C1orf141: variants seen among roughly 807,000 people sequenced by gnomAD.
The protein encoded by C1orf141 is chromosome 1 open reading frame 141.
A neutral mutation model predicts 23.2 loss-of-function variants in C1orf141; 19 were observed. The ratio of observed to expected loss-of-function variants is 0.82; its 90% CI spans 0.57 to 1.20. C1orf141 has a LOEUF of 1.20. C1orf141 is among the 50% of genes most tolerant of loss of function. The probability of loss-of-function intolerance (pLI) is 0.00; values close to 1 mark genes in which losing one functional copy is unlikely to be tolerated. For synonymous variants in C1orf141, 153 were observed against 154.6 expected, an observed-to-expected ratio of 0.99 and a Z score of 0.08; for missense variants, 469 against 455.1, an observed-to-expected ratio of 1.03 and a Z score of -0.28.
chr1:67,136,646 G>GCTA (rs1196385943), upstream of C1orf141, among the ~76,000 whole-genome samples: 1 of 152,096 alleles, frequency 6.6e-6, no homozygotes, highest in Non-Finnish European at 1.5e-5. Context: ...CAGGTACTAG[G>GCTA]CTACAACTTT....
In C1orf141 at chr1:67,112,897, T is replaced by C. The variant is rs138101691; in HGVS notation, c.346+2455A>G. Reference sequence around the variant, plus strand: ...AGCTACAAGTTGCATGAATAGAGTATTGGTGTGTCTAGGCAGAGGGGAAAA... The same window carrying C: ...AGCTACAAGTTGCATGAATAGAGTACTGGTGTGTCTAGGCAGAGGGGAAAA... On this transcript the variant is annotated intron_variant, in intron 5 of 7. Coordinates refer to ENST00000684719, the MANE Select transcript of C1orf141 (RefSeq NM_001276351.2). Among the ~76,000 whole-genome samples, 396 of 152,282 alleles carry C rather than the reference T, an allele frequency of 2.6e-3. 2 individuals are homozygous for C. Among genetic ancestry groups the C allele is most frequent in the African/African-American group, 9.3e-3 (388 of 41,560 alleles).
At chr1:67,112,166 C>G (rs1646087303) in intron 5 of C1orf141, among the ~76,000 whole-genome samples, 1 of 152,138 alleles carries the variant, frequency 6.6e-6, no homozygotes, top group South Asian at 2.1e-4. Context: ...AGGAAAGTTA[C>G]TTAACATCTG....
intron 5 of C1orf141, chr1:67,103,505 G>T: frequency 2.0e-6 from 1 of 508,404 alleles, no homozygotes; most frequent in Non-Finnish European, 3.1e-6. Context: ...ACAGCTGTCT[G>T]GTTCTTTAAA....
At chr1:67,126,730 G>T (rs142379803) in intron 3 of C1orf141, among the ~76,000 whole-genome samples, 1 of 152,328 alleles carries the variant, frequency 6.6e-6, no homozygotes, top group African/African-American at 2.4e-5. Flanking sequence ...GAGGTGCAGG[G>T]AGGAGAAACC....
intron 4 of C1orf141, among the ~76,000 whole-genome samples, chr1:67,118,904 G>T (rs1291021842): frequency 2.0e-5 from 3 of 152,156 alleles, no homozygotes; most frequent in Admixed American, 6.5e-5. Flanking sequence ...CTCGAGAATT[G>T]TGAGAAACAA....
At chr1:67,127,710 C>T (rs1646442922) in intron 2 of C1orf141, among the ~76,000 whole-genome samples, 1 of 152,128 alleles carries the variant, frequency 6.6e-6, no homozygotes, top group African/African-American at 2.4e-5. Context: ...TCTTGGCTCA[C>T]TGCAACCTCC....
chr1:67,130,180 AG>A (rs1646491844), intron 2 of C1orf141, among the ~76,000 whole-genome samples: 1 of 152,162 alleles, frequency 6.6e-6, no homozygotes, highest in Non-Finnish European at 1.5e-5. Context: ...AAACTCTCCG[AG>A]GAGTTTTAGC....
upstream of C1orf141, among the ~76,000 whole-genome samples, chr1:67,137,323 C>G (rs115072680): frequency 6.6e-6 from 1 of 152,104 alleles, no homozygotes; most frequent in African/African-American, 2.4e-5. Flanking sequence ...GAGTCAGTCC[C>G]GAAATAACAA....
At chr1:67,127,818 A>G (rs1646445203) in intron 2 of C1orf141, among the ~76,000 whole-genome samples, 1 of 152,048 alleles carries the variant, frequency 6.6e-6, no homozygotes, top group African/African-American at 2.4e-5. Context: ...TATTTTTAGT[A>G]GAGACAGGGG....
chr1:67,101,680 A>T (rs1235991935), intron 5 of C1orf141, among the ~76,000 whole-genome samples: 3 of 152,056 alleles, frequency 2.0e-5, no homozygotes, highest in Non-Finnish European at 4.4e-5. Context: ...TCAATTTAAT[A>T]AATTTTTCTT....
At chr1:67,123,341 A>C (rs915962375) in intron 4 of C1orf141, 3 of 152,152 alleles carry the variant, frequency 2.0e-5, no homozygotes, top group South Asian at 4.1e-4. Flanking sequence ...CATGGTTTAT[A>C]AGCAATGTAT....
Position 67,092,613 on chromosome 1 carries a change from T to C in C1orf141, c.*392A>G, listed in dbSNP as rs1645578971. ...AACTCCACAGTCATTAAATTAATGG[T>C]AATTTGTCTTATTTGATATTCAATT... On this transcript the variant is annotated 3_prime_UTR_variant, in exon 8 of 8. Coordinates refer to ENST00000684719, the MANE Select transcript of C1orf141 (RefSeq NM_001276351.2). 1 of 156,382 alleles carries C rather than the reference T, an allele frequency of 6.4e-6. No individual in the cohort carries two copies. The highest frequency in any genetic ancestry group is 1.4e-5 in the Non-Finnish European group (1 of 70,494). 9.7% of individuals were successfully genotyped at this position (156,382 alleles called of 1,614,324 possible).
At chr1:67,124,992 T>C (rs1057283792) in intron 4 of C1orf141, among the ~76,000 whole-genome samples, 8 of 152,242 alleles carry the variant, frequency 5.3e-5, no homozygotes, top group African/African-American at 1.9e-4. Context: ...AACTCTCCTT[T>C]ACAATTCTGA....
chr1:67,134,804 A>T (rs1048168971), intron 1 of C1orf141, 126 bp downstream of exon 1: 1 of 152,404 alleles, frequency 6.6e-6, no homozygotes, highest in Admixed American at 6.5e-5. Flanking sequence ...CCGCTGGAGA[A>T]CGTCCCACCG....
intron 4 of C1orf141, among the ~76,000 whole-genome samples, chr1:67,119,795 T>A (rs975576785): frequency 2.6e-5 from 4 of 152,256 alleles, no homozygotes; most frequent in Admixed American, 6.5e-5. Flanking sequence ...ATAGAGCTAC[T>A]GTATGCAGCT....
chr1:67,103,544 CA>C (rs1645854089), intron 5 of C1orf141, among the ~76,000 whole-genome samples: 1 of 151,852 alleles, frequency 6.6e-6, no homozygotes, highest in South Asian at 2.1e-4. Context: ...ATTTAATTCT[CA>C]AAAAAACCTA....
At chr1:67,107,196 TTAATC>T (rs1558191074) in intron 5 of C1orf141, among the ~76,000 whole-genome samples, 1 of 152,068 alleles carries the variant, frequency 6.6e-6, no homozygotes, top group Non-Finnish European at 1.5e-5. Context: ...GATGTATACT[TTAATC>T]TATACGGAAA....
At chr1:67,103,138 G>T in intron 5 of C1orf141, 2 of 586,688 alleles carry the variant, frequency 3.4e-6, no homozygotes, top group Non-Finnish European at 2.7e-6. Context: ...TATGATCAAA[G>T]ACGAATATTC....
At chr1:67,133,887 A>G (rs1270086601) in intron 1 of C1orf141, among the ~76,000 whole-genome samples, 2 of 152,206 alleles carry the variant, frequency 1.3e-5, no homozygotes, top group East Asian at 3.8e-4. Flanking sequence ...CACTCTGTCT[A>G]TGATGTTTTG....
Sources: gnomAD v4.1 joint callset for allele counts (sites outside exome capture counted in the v4.1 genomes callset) on GRCh38, gnomAD v4.1.1 for gene constraint, MANE v1.5 for transcripts, NCBI Gene and HGNC (gene_info 2026-07-23, HGNC 2026-07-21) for gene names.